Variants in DLG2 observed in about 807,000 individuals in gnomAD.
DLG2 encodes the protein discs large MAGUK scaffold protein 2.
In DLG2, 45 loss-of-function variants were observed where a neutral mutation model predicts 132.5. The ratio of observed to expected loss-of-function variants is 0.34; its 90% confidence interval spans 0.27 to 0.44. DLG2 has a LOEUF of 0.44. Among genes scored for constraint, DLG2 ranks in the 20% least tolerant of loss-of-function variants. The probability of loss-of-function intolerance (pLI) is 1.00; values close to 1 mark genes in which losing one functional copy is unlikely to be tolerated. For synonymous variants in DLG2, 424 were observed against 419.6 expected (o/e 1.01, Z -0.13); for missense variants, 1,045 against 1,196.9 (o/e 0.87, Z 1.87).
At chr11:84,856,116 A>T (rs2082751955) in intron 6 of DLG2, among the ~76,000 whole-genome samples, 1 of 152,106 alleles carries the variant, frequency 6.6e-6, no homozygotes, top group South Asian at 2.1e-4. Flanking sequence ...AAAGTCATTT[A>T]TGCTTAACTA....
intron 6 of DLG2, among the ~76,000 whole-genome samples, chr11:84,756,954 T>C (rs1160953611): frequency 1.3e-5 from 2 of 152,170 alleles, no homozygotes; most frequent in African/African-American, 4.8e-5. Context: ...GGAAGAGGCA[T>C]CAGCCTACAG....
intron 11 of DLG2, among the ~76,000 whole-genome samples, chr11:84,027,234 A>G (rs779912196): frequency 7.2e-5 from 11 of 152,132 alleles, no homozygotes; most frequent in Non-Finnish European, 1.6e-4. Context: ...TTAAATGGAC[A>G]TAGGATTTGG....
At chr11:84,169,738 T>C (rs1425277387) in intron 8 of DLG2, among the ~76,000 whole-genome samples, 1 of 152,116 alleles carries the variant, frequency 6.6e-6, no homozygotes, top group Non-Finnish European at 1.5e-5. Flanking sequence ...CTGGGCATCA[T>C]GGCTCACGCC....
chr11:85,202,675 G>C (rs965588964), intron 4 of DLG2, among the ~76,000 whole-genome samples: 1 of 151,842 alleles, frequency 6.6e-6, no homozygotes, highest in Non-Finnish European at 1.5e-5. Context: ...AATTTTAAAA[G>C]GTCAAAATAA....
chr11:84,852,476 A>G lies in DLG2; in HGVS notation c.357+259185T>C, dbSNP rs115375185. On this transcript the variant is annotated intron_variant, in intron 6 of 27. Coordinates refer to ENST00000376104, the MANE Select transcript of DLG2 (RefSeq NM_001142699.3). The stretch of plus-strand genomic sequence containing the variant: ...GAAGGATTCTGAAGGAAAACCTGCA[A>G]TATTAGGAAAGAATGTCACCGGCAT... Among the ~76,000 whole-genome samples, 723 of 151,868 alleles carry G rather than the reference A, an allele frequency of 4.8e-3. 10 individuals are homozygous for G. The highest frequency in any genetic ancestry group is 0.017 in the African/African-American group (696 of 41,520).
At chr11:83,760,993 T>C (rs559095522) in intron 18 of DLG2, among the ~76,000 whole-genome samples, 22 of 152,334 alleles carry the variant, frequency 1.4e-4, no homozygotes, top group Middle Eastern at 6.8e-3. Context: ...TTTCAAGGTT[T>C]AGCCAAATTT....
At chr11:85,488,502 C>G (rs959663835) in intron 3 of DLG2, among the ~76,000 whole-genome samples, 1 of 152,158 alleles carries the variant, frequency 6.6e-6, no homozygotes, top group Non-Finnish European at 1.5e-5. Flanking sequence ...TCCAATTAAA[C>G]CTCTTTTTCT....
intron 8 of DLG2, among the ~76,000 whole-genome samples, chr11:84,182,123 T>C (rs1291283099): frequency 6.6e-6 from 1 of 152,150 alleles, no homozygotes; most frequent in Non-Finnish European, 1.5e-5. Flanking sequence ...GACCAAATTC[T>C]AAGCCATAAA....
intron 6 of DLG2, among the ~76,000 whole-genome samples, chr11:84,741,863 A>G (rs970063480): frequency 1.3e-5 from 2 of 152,140 alleles, no homozygotes; most frequent in African/African-American, 4.8e-5. Flanking sequence ...ATAAAAAATA[A>G]TTATCTTAAG....
intron 4 of DLG2, among the ~76,000 whole-genome samples, chr11:85,206,522 A>G (rs780735747): frequency 6.6e-6 from 1 of 152,178 alleles, no homozygotes; most frequent in Non-Finnish European, 1.5e-5. Context: ...TGAAAGCACC[A>G]AATACATGGT....
chr11:83,588,447 C>G (rs1850542534), intron 19 of DLG2, among the ~76,000 whole-genome samples: 1 of 152,158 alleles, frequency 6.6e-6, no homozygotes, highest in Admixed American at 6.5e-5. Flanking sequence ...GGAAAACTAA[C>G]AAACAGAAAG....
intron 4 of DLG2, among the ~76,000 whole-genome samples, chr11:85,181,024 C>G (rs2079654985): frequency 6.6e-6 from 1 of 151,522 alleles, no homozygotes; most frequent in East Asian, 1.9e-4. Flanking sequence ...ATTTAATCAA[C>G]AAATTTATCA....
At chr11:83,478,832 A>ATAT (rs1478100822) in intron 22 of DLG2, among the ~76,000 whole-genome samples, 1 of 152,026 alleles carries the variant, frequency 6.6e-6, no homozygotes, top group Non-Finnish European at 1.5e-5. Context: ...AAAATAAGTT[A>ATAT]TATTTTTCTA....
intron 3 of DLG2, among the ~76,000 whole-genome samples, chr11:85,497,012 G>C (rs1417218717): frequency 2.0e-5 from 3 of 152,156 alleles, no homozygotes; most frequent in African/African-American, 7.2e-5. Context: ...AAACCAGAAT[G>C]CCTCTTCTCC....
intron 5 of DLG2, among the ~76,000 whole-genome samples, chr11:85,121,933 G>C (rs917666587): frequency 6.6e-6 from 1 of 152,036 alleles, no homozygotes. Flanking sequence ...GAAGTACATG[G>C]ATATCTACAT....
intron 3 of DLG2, among the ~76,000 whole-genome samples, chr11:85,507,627 G>C (rs2093965241): frequency 1.3e-5 from 2 of 151,534 alleles, no homozygotes; most frequent in East Asian, 1.9e-4. Context: ...GACTTCTCTG[G>C]CTGCCCTTAA....
chr11:84,516,642 T>A (rs2099274067), intron 7 of DLG2, among the ~76,000 whole-genome samples: 1 of 151,512 alleles, frequency 6.6e-6, no homozygotes, highest in Admixed American at 6.6e-5. Context: ...TATTGAAGAA[T>A]TAATGCCAAT....
At chr11:84,651,703 G>C (rs969373264) in intron 6 of DLG2, among the ~76,000 whole-genome samples, 3 of 152,208 alleles carry the variant, frequency 2.0e-5, no homozygotes, top group Non-Finnish European at 4.4e-5. Flanking sequence ...TGGGAAATGT[G>C]TTAATGGGAA....
At chr11:84,853,215 ATAGACTACAT>A (rs1270234860) in intron 6 of DLG2, among the ~76,000 whole-genome samples, 2 of 151,962 alleles carry the variant, frequency 1.3e-5, no homozygotes, top group Non-Finnish European at 2.9e-5. Flanking sequence ...TGCTTCTTTG[ATAGACTACAT>A]TATTTGTCTG....
Sources: gnomAD v4.1 joint callset for allele counts (sites outside exome capture counted in the v4.1 genomes callset) on GRCh38, gnomAD v4.1.1 for gene constraint, MANE v1.5 for transcripts, NCBI Gene and HGNC (gene_info 2026-07-23, HGNC 2026-07-21) for gene names.